The following C13orf42 variants were observed in gnomAD, a reference collection of about 807,000 sequenced individuals.
The protein encoded by C13orf42 is uncharacterized protein C13orf42.
rs114958731 is a variant in C13orf42 at position 51,132,626 on chromosome 13, G to A, written n.137-19404C>T. 5.4e-3 allele frequency among the ~76,000 whole-genome samples: 825 copies of A among 152,118 alleles called. 11 individuals are homozygous for A. Among genetic ancestry groups the A allele is most frequent in the African/African-American group, 0.019 (774 of 41,472 alleles). On this transcript the variant is annotated intron_variant and non_coding_transcript_variant, in intron 1 of 4. Coordinates refer to the C13orf42 transcript ENST00000433280. ...CATCGCCCCTACTCAGCCCAAAGAAGTAACAGAAAATGATGGATCTTCATC... is the reference window on the plus strand; with the variant it reads ...CATCGCCCCTACTCAGCCCAAAGAAATAACAGAAAATGATGGATCTTCATC...
chr13:51,155,496 C>T (rs188373527), intron 1 of C13orf42, among the ~76,000 whole-genome samples: 15 of 152,202 alleles, frequency 9.9e-5, no homozygotes, highest in African/African-American at 3.6e-4. Context: ...GCGCTGGAAA[C>T]CCACTACAGC....
chr13:51,153,816 T>G (rs539546083), intron 1 of C13orf42, among the ~76,000 whole-genome samples: 1 of 151,896 alleles, frequency 6.6e-6, no homozygotes, highest in African/African-American at 2.4e-5. Context: ...GTATGTTTAG[T>G]AGAGAAAGGA....
chr13:51,107,314 T>TA (rs991241265), intron 1 of C13orf42, among the ~76,000 whole-genome samples: 7 of 151,796 alleles, frequency 4.6e-5, no homozygotes, highest in Non-Finnish European at 8.8e-5. Flanking sequence ...ACAATTTTTT[T>TA]AAAAAAAAAT....
chr13:51,114,074 T>C (rs574443965), upstream of C13orf42, among the ~76,000 whole-genome samples: 1 of 152,346 alleles, frequency 6.6e-6, no homozygotes, highest in East Asian at 1.9e-4. Flanking sequence ...TCCAGAGGAT[T>C]TGCCATGTAG....
chr13:51,145,539 T>A (rs990322732), intron 1 of C13orf42, among the ~76,000 whole-genome samples: 2 of 152,092 alleles, frequency 1.3e-5, no homozygotes, highest in East Asian at 1.9e-4. Flanking sequence ...AAGATTTTTT[T>A]AAAAAAGGGG....
intron 1 of C13orf42, among the ~76,000 whole-genome samples, chr13:51,147,195 C>A (rs1021408808): frequency 6.6e-6 from 1 of 151,800 alleles, no homozygotes; most frequent in African/African-American, 2.4e-5. Context: ...ATAGCATCTA[C>A]ACATTGCTCT....
At chr13:51,153,841 C>T (rs1297370475) in intron 1 of C13orf42, among the ~76,000 whole-genome samples, 1 of 151,884 alleles carries the variant, frequency 6.6e-6, no homozygotes, top group Non-Finnish European at 1.5e-5. Flanking sequence ...GCCATGTTGT[C>T]CAGGCGGGTC....
chr13:51,085,928 A>C (rs1953119603), intron 2 of C13orf42, among the ~76,000 whole-genome samples: 1 of 152,088 alleles, frequency 6.6e-6, no homozygotes. Context: ...AGGTGCCTAT[A>C]ATCACAGCTA....
At chr13:51,167,078 C>CA (rs151262051) in intron 1 of C13orf42, among the ~76,000 whole-genome samples, 32,683 of 144,860 alleles carry the variant, frequency 0.23, 4,215 homozygotes, top group East Asian at 0.5. Flanking sequence ...GACCCCATCT[C>CA]AAAAAAAAAA....
upstream of C13orf42, among the ~76,000 whole-genome samples, chr13:51,114,657 G>GATAGAT (rs1367900987): frequency 4.8e-5 from 4 of 82,618 alleles, no homozygotes; most frequent in African/African-American, 1.6e-4. Context: ...GAGATAGACA[G>GATAGAT]ACAGACAGAC....
At chr13:51,102,996 T>A (rs747063572) in intron 1 of C13orf42, among the ~76,000 whole-genome samples, 12 of 152,056 alleles carry the variant, frequency 7.9e-5, no homozygotes, top group Admixed American at 1.3e-4. Flanking sequence ...ATCACCTCCC[T>A]CCCTTGACAC....
At chr13:51,157,309 G>A (rs938606519) in intron 1 of C13orf42, among the ~76,000 whole-genome samples, 4 of 152,136 alleles carry the variant, frequency 2.6e-5, no homozygotes, top group East Asian at 1.9e-4. Flanking sequence ...TGGTGTGCAC[G>A]TGTAGTCCCA....
At chr13:51,107,180 T>C (rs910756630) in intron 1 of C13orf42, among the ~76,000 whole-genome samples, 15 of 152,310 alleles carry the variant, frequency 9.8e-5, no homozygotes, top group Admixed American at 7.2e-4. Flanking sequence ...ACAGACCATT[T>C]GGTACCCTGG....
chr13:51,101,655 C>T (rs993136693), intron 1 of C13orf42, among the ~76,000 whole-genome samples: 11 of 152,136 alleles, frequency 7.2e-5, no homozygotes, highest in Non-Finnish European at 1.3e-4. Flanking sequence ...TGCCTAAAAC[C>T]GTGCTAAAGG....
chr13:51,156,446 A>G (rs930147650), intron 1 of C13orf42, among the ~76,000 whole-genome samples: 1 of 152,226 alleles, frequency 6.6e-6, no homozygotes, highest in Non-Finnish European at 1.5e-5. Flanking sequence ...ATTAAGGCAC[A>G]GAGAGGTCAA....
rs1164837064 is a variant in C13orf42 at position 51,083,018 on chromosome 13, C to T, written c.*1133G>A. On this transcript the variant is annotated 3_prime_UTR_variant, in exon 4 of 4. Transcript: ENST00000563710. Reference sequence around the variant, plus strand: ...TTCTTAGCCTGACCTTAGCCTAGAACATCCTTGGCTTAATTCAAATGATTG... The same window carrying T: ...TTCTTAGCCTGACCTTAGCCTAGAATATCCTTGGCTTAATTCAAATGATTG... 6.6e-6 allele frequency: 1 copy of T among 152,218 alleles called. No homozygotes were observed. Among genetic ancestry groups the T allele is most frequent in the African/African-American group, 2.4e-5 (1 of 41,448 alleles). 9.4% of individuals were successfully genotyped at this position (152,218 alleles called of 1,614,324 possible).
chr13:51,141,950 T>A (rs1953699404), intron 1 of C13orf42, among the ~76,000 whole-genome samples: 1 of 152,234 alleles, frequency 6.6e-6, no homozygotes, highest in African/African-American at 2.4e-5. Flanking sequence ...ATTGCCAGCA[T>A]ACATTTTTGT....
upstream of C13orf42, among the ~76,000 whole-genome samples, chr13:51,114,653 G>GATAGAT (rs1404870733): frequency 3.3e-4 from 28 of 85,042 alleles, no homozygotes; most frequent in Middle Eastern, 5.1e-3. Flanking sequence ...GATAGAGATA[G>GATAGAT]ACAGACAGAC....
chr13:51,092,115 C>T (rs1323731139), intron 1 of C13orf42, among the ~76,000 whole-genome samples: 2 of 152,176 alleles, frequency 1.3e-5, no homozygotes, highest in Non-Finnish European at 2.9e-5. Flanking sequence ...CAGGAATCAT[C>T]CCAGTTTATG....
Sources: allele counts gnomAD v4.1 joint callset (sites outside exome capture counted in the v4.1 genomes callset), GRCh38; gene constraint gnomAD v4.1.1; transcripts MANE v1.5; gene names NCBI Gene and HGNC (gene_info 2026-07-23, HGNC 2026-07-21).